Variants in SPAG16 observed in about 807,000 individuals in gnomAD.
SPAG16 encodes sperm associated antigen 16, also known as sperm-associated antigen 16 protein.
A neutral mutation model predicts 80.4 loss-of-function variants in SPAG16; 86 were observed. The observed-to-expected ratio is 1.07, with a 90% confidence interval of 0.90 to 1.28. SPAG16 has a LOEUF of 1.28. Ranked by LOEUF, SPAG16 falls within the 50% of genes most tolerant of loss-of-function variation. SPAG16 has a pLI of 0.00. For synonymous variants in SPAG16, 294 were observed against 265.9 expected (o/e 1.11, Z -1.03); for missense variants, 870 against 765.3 (o/e 1.14, Z -1.61).
chr2:213,646,924 A>G (rs1411193116), intron 10 of SPAG16, among the ~76,000 whole-genome samples: 3 of 152,246 alleles, frequency 2.0e-5, no homozygotes, highest in African/African-American at 2.4e-5. Context: ...ATATACCACA[A>G]TGACACACAA....
chr2:213,789,998 C>G (rs187982638), intron 10 of SPAG16, among the ~76,000 whole-genome samples: 2 of 151,876 alleles, frequency 1.3e-5, no homozygotes, highest in East Asian at 3.9e-4. Flanking sequence ...TTAAAATCTG[C>G]CCTTCAAAAA....
At chr2:213,390,937 T>C (rs956534060) in intron 9 of SPAG16, among the ~76,000 whole-genome samples, 2 of 152,150 alleles carry the variant, frequency 1.3e-5, no homozygotes, top group East Asian at 3.8e-4. Flanking sequence ...ATAGCTGAGT[T>C]TTCATTTTTG....
intron 10 of SPAG16, among the ~76,000 whole-genome samples, chr2:213,553,329 T>C (rs2076841339): frequency 6.6e-6 from 1 of 152,128 alleles, no homozygotes; most frequent in African/African-American, 2.4e-5. Context: ...ATAGAATCAC[T>C]GGTAAGAACA....
intron 15 of SPAG16, among the ~76,000 whole-genome samples, chr2:214,331,005 G>A (rs149609261): frequency 7.1e-4 from 108 of 152,284 alleles, no homozygotes; most frequent in African/African-American, 2.6e-3. Flanking sequence ...GCCCCATGTA[G>A]CAGTTGTTCC....
chr2:213,801,547 T>G (rs2071398995), intron 10 of SPAG16, among the ~76,000 whole-genome samples: 1 of 152,202 alleles, frequency 6.6e-6, no homozygotes, highest in African/African-American at 2.4e-5. Flanking sequence ...CTTTACACAC[T>G]GTCCAAACAA....
intron 11 of SPAG16, among the ~76,000 whole-genome samples, chr2:213,865,789 A>C (rs1474415644): frequency 6.8e-6 from 1 of 147,948 alleles, no homozygotes; most frequent in Non-Finnish European, 1.5e-5. Context: ...GTCTGTCCTC[A>C]AGGGGAAAAA....
chr2:213,807,291 C>A (rs1239554433), intron 10 of SPAG16, among the ~76,000 whole-genome samples: 1 of 152,000 alleles, frequency 6.6e-6, no homozygotes, highest in Admixed American at 6.6e-5. Flanking sequence ...TTCTTGTCCT[C>A]GACTCCACCT....
At chr2:213,335,314 A>G (rs780058637) in intron 5 of SPAG16, among the ~76,000 whole-genome samples, 5 of 152,192 alleles carry the variant, frequency 3.3e-5, no homozygotes, top group Non-Finnish European at 7.3e-5. Flanking sequence ...ATGTATTCCT[A>G]TTTTAAATAC....
chr2:213,761,905 A>T (rs1195429026), intron 10 of SPAG16, among the ~76,000 whole-genome samples: 1 of 151,870 alleles, frequency 6.6e-6, no homozygotes, highest in Non-Finnish European at 1.5e-5. Context: ...AACAAAAAAA[A>T]ACCCTACAGA....
intron 10 of SPAG16, among the ~76,000 whole-genome samples, chr2:213,705,459 A>G (rs376774391): frequency 1.4e-4 from 19 of 140,464 alleles, no homozygotes; most frequent in African/African-American, 4.4e-4. Flanking sequence ...GTTTTTTCCA[A>G]TTGGCATCTC....
At chr2:214,094,204 TGA>T (rs1289262898) in intron 13 of SPAG16, among the ~76,000 whole-genome samples, 2 of 152,108 alleles carry the variant, frequency 1.3e-5, no homozygotes, top group African/African-American at 4.8e-5. Flanking sequence ...ATGCTACAAA[TGA>T]GAGTGTTTTA....
chr2:213,326,324 T>C (rs776891502), intron 5 of SPAG16, among the ~76,000 whole-genome samples: 4 of 152,158 alleles, frequency 2.6e-5, no homozygotes, highest in African/African-American at 7.2e-5. Flanking sequence ...AATTTACTTC[T>C]ATAAAAGGTC....
At chr2:213,951,566 T>G (rs1486898995) in intron 12 of SPAG16, among the ~76,000 whole-genome samples, 1 of 152,184 alleles carries the variant, frequency 6.6e-6, no homozygotes, top group Non-Finnish European at 1.5e-5. Context: ...AAAGAATGAC[T>G]GAGCCAGACT....
At chr2:214,218,152 A>C in intron 15 of SPAG16, among the ~76,000 whole-genome samples, 1 of 152,290 alleles carries the variant, frequency 6.6e-6, no homozygotes, top group South Asian at 2.1e-4. Context: ...TGTCGCATGA[A>C]AGACTTCGAT....
intron 11 of SPAG16, among the ~76,000 whole-genome samples, chr2:213,918,378 T>C (rs1463954478): frequency 6.6e-6 from 1 of 150,606 alleles, no homozygotes; most frequent in African/African-American, 2.4e-5. Flanking sequence ...TGGTAGAATT[T>C]GGCTATGAAT....
intron 15 of SPAG16, among the ~76,000 whole-genome samples, chr2:214,278,768 C>G (rs1351059897): frequency 6.6e-6 from 1 of 152,096 alleles, no homozygotes; most frequent in Non-Finnish European, 1.5e-5. Flanking sequence ...TCCCACTTTT[C>G]AAATGGAATA....
chr2:213,425,210 C>G (rs2069836146), intron 9 of SPAG16, among the ~76,000 whole-genome samples: 1 of 152,058 alleles, frequency 6.6e-6, no homozygotes, highest in Non-Finnish European at 1.5e-5. Flanking sequence ...GTAGTCCCAG[C>G]TACTCGGGAG....
intron 11 of SPAG16, among the ~76,000 whole-genome samples, chr2:213,901,409 T>C (rs1482490426): frequency 6.6e-6 from 1 of 152,212 alleles, no homozygotes; most frequent in African/African-American, 2.4e-5. Context: ...GATGATACTC[T>C]TATTTAAAAC....
chr2:213,860,365 GT>G (rs2075373874), intron 10 of SPAG16, among the ~76,000 whole-genome samples: 2 of 63,388 alleles, frequency 3.2e-5, no homozygotes, highest in Non-Finnish European at 3.8e-5. Flanking sequence ...ATATATATAT[GT>G]GTGTGTGTGT....
Sources: gnomAD v4.1 joint callset for allele counts (sites outside exome capture counted in the v4.1 genomes callset) on GRCh38, gnomAD v4.1.1 for gene constraint, MANE v1.5 for transcripts, NCBI Gene and HGNC (gene_info 2026-07-23, HGNC 2026-07-21) for gene names.